The following TRMT44 variants were observed in gnomAD, a reference collection of about 807,000 sequenced individuals.
TRMT44 encodes the protein probable tRNA (uracil-O(2)-)-methyltransferase.
A neutral mutation model predicts 77.3 loss-of-function variants in TRMT44; 78 were observed. The ratio of observed to expected loss-of-function variants is 1.01; its 90% CI spans 0.84 to 1.22. TRMT44 has a LOEUF of 1.22. TRMT44 is among the 50% of genes most tolerant of loss of function. TRMT44 has a pLI of 0.00. For synonymous variants in TRMT44, 391 were observed against 383.3 expected, an observed-to-expected ratio of 1.02 and a Z score of -0.23; for missense variants, 1,090 against 964.4, an observed-to-expected ratio of 1.13 and a Z score of -1.73.
the TRMT44 span, chr4:8,506,844 T>C: frequency 2.0e-5 from 3 of 152,542 alleles, no homozygotes; most frequent in East Asian, 5.8e-4. Flanking sequence ...GAAATGCTGC[T>C]TGGTGAGCTG....
chr4:8,464,181 G>GC, intron 7 of TRMT44, 90 bp downstream of exon 7: 2 of 979,956 alleles, frequency 2.0e-6, no homozygotes, highest in Non-Finnish European at 3.1e-6. Context: ...CTAGCTGCGT[G>GC]CAGTTGTCAA....
At position 8,468,151 on chromosome 4, in the gene TRMT44, G is replaced by C; in HGVS notation, c.1732G>C (p.Gly578Arg). ...GGCCTGGGCCGCTGAGCATGGAGCA[G>C]GGCCCCAGGCTGAAGGACCCTGGCT... The part of the protein sequence containing the change: ...TRAWAAEHGA[G>R]PQAEGPWLPG... Residue 578 changes from glycine to arginine, a missense_variant, in exon 9 of 11, where the codon GGG becomes CGG. Physicochemically the swap from Gly to Arg is moderately radical, Grantham distance 125. Transcript: ENST00000389737. 1 of 1,614,076 alleles carries C rather than the reference G, an allele frequency of 6.2e-7. No homozygotes were observed.
At position 8,473,961 on chromosome 4, in the gene TRMT44, C is replaced by T. The variant is rs116465783; in HGVS notation, c.2045-1811C>T. On this transcript the variant is annotated intron_variant, in intron 10 of 10. Transcript: ENST00000389737. Reference sequence around the variant, plus strand: ...GAGCCTCATCTCTATCATCAGCGCCCGCTCCTCAGTCCTTAGACACCCTGC... The same window carrying T: ...GAGCCTCATCTCTATCATCAGCGCCTGCTCCTCAGTCCTTAGACACCCTGC... Among the ~76,000 whole-genome samples the T allele has an allele frequency of 9.2e-3, 1,400 of 152,292 alleles. 16 individuals carry two copies. Among genetic ancestry groups the T allele is most frequent in the African/African-American group, 0.032 (1,325 of 41,558 alleles).
At chr4:8,486,911 G>T (rs1028415292) in intron 2 of TRMT44, among the ~76,000 whole-genome samples, 1 of 152,150 alleles carries the variant, frequency 6.6e-6, no homozygotes, top group African/African-American at 2.4e-5. Flanking sequence ...AGCCCAGGGA[G>T]GAGGGGAGAG....
intron 3 of TRMT44, among the ~76,000 whole-genome samples, chr4:8,450,459 A>G (rs1725367508): frequency 6.6e-6 from 1 of 152,338 alleles, no homozygotes; most frequent in Non-Finnish European, 1.5e-5. Flanking sequence ...AAAAATGGCT[A>G]AATTACCATA....
intron 10 of TRMT44, among the ~76,000 whole-genome samples, chr4:8,472,409 G>A (rs1197399539): frequency 6.6e-6 from 1 of 152,252 alleles, no homozygotes. Flanking sequence ...CGAAGTCACA[G>A]TGGGAAGGAG....
At chr4:8,494,467 C>T (rs771401198), downstream of TRMT44, among the ~76,000 whole-genome samples, 12 of 152,316 alleles carry the variant, frequency 7.9e-5, no homozygotes, top group South Asian at 2.1e-4. Context: ...CTGAGCCAGA[C>T]TAAGTTGTGT....
chr4:8,464,880 A>G (rs542036511), intron 7 of TRMT44, among the ~76,000 whole-genome samples: 2 of 152,354 alleles, frequency 1.3e-5, no homozygotes, highest in African/African-American at 4.8e-5. Context: ...AATATTACAC[A>G]GCCACAAAGA....
chr4:8,457,866 A>G (rs1725903081), intron 6 of TRMT44, among the ~76,000 whole-genome samples: 1 of 152,224 alleles, frequency 6.6e-6, no homozygotes, highest in Admixed American at 6.5e-5. Flanking sequence ...GAGCCAGTCA[A>G]GGAAATCATG....
In TRMT44 at chr4:8,471,154, TG is replaced by T; in HGVS notation, c.2003del (p.Gly668AlafsTer16). On this transcript the variant is annotated frameshift_variant, in exon 10 of 11. Transcript: ENST00000389737. LOFTEE classifies it low-confidence loss of function (END_TRUNC). ...CCCTGCGGAGGCTGAAGCGGGAGTG[TG>T]GGGGCCTGCAGACGCTGCTCCGGAA... ...ETLRRLKREC[G>X]GLQTLLRNSH... 6.2e-7 allele frequency: 1 copy of T among 1,609,868 alleles called. No homozygotes were observed. Among genetic ancestry groups the T allele is most frequent in the Non-Finnish European group, 8.5e-7 (1 of 1,177,976 alleles).
intron 2 of TRMT44, among the ~76,000 whole-genome samples, chr4:8,448,819 T>C (rs2688235): frequency 0.71 from 108,319 of 152,210 alleles, 39,431 homozygotes; most frequent in African/African-American, 0.86. Flanking sequence ...TCCCCTCCAG[T>C]GGGGCCATGC....
chr4:8,471,721 GC>G (rs1468405574), intron 10 of TRMT44, among the ~76,000 whole-genome samples: 1 of 152,214 alleles, frequency 6.6e-6, no homozygotes, highest in Non-Finnish European at 1.5e-5. Context: ...GCTCCCCAAC[GC>G]CCTGTGACTC....
downstream of TRMT44, among the ~76,000 whole-genome samples, chr4:8,496,870 G>A (rs1374768914): frequency 6.6e-6 from 1 of 151,558 alleles, no homozygotes; most frequent in Non-Finnish European, 1.5e-5. Flanking sequence ...AAGGAGTTTA[G>A]TGATTTTTAA....
chr4:8,490,680 A>G (rs1727973378), intron 2 of TRMT44, among the ~76,000 whole-genome samples: 1 of 152,188 alleles, frequency 6.6e-6, no homozygotes, highest in African/African-American at 2.4e-5. Context: ...CGTGGACCCA[A>G]AGAGTGAGCA....
intron 10 of TRMT44, among the ~76,000 whole-genome samples, chr4:8,475,464 A>C (rs1727312015): frequency 6.6e-6 from 1 of 152,160 alleles, no homozygotes; most frequent in Non-Finnish European, 1.5e-5. Context: ...GTCCTGGTGC[A>C]GTCTGTCCTG....
At chr4:8,487,499 T>G (rs1727847856) in intron 2 of TRMT44, among the ~76,000 whole-genome samples, 11 of 133,784 alleles carry the variant, frequency 8.2e-5, no homozygotes, top group Admixed American at 3.0e-4. Flanking sequence ...AGATAAGAGG[T>G]CGGGGTGCAG....
At chr4:8,506,694 A>C in the TRMT44 span, 1 of 152,296 alleles carries the variant, frequency 6.6e-6, no homozygotes, top group African/African-American at 2.4e-5. Context: ...CTCCTGGGCC[A>C]GCCCCTGGGC....
At chr4:8,507,280 G>C in the TRMT44 span, 1 of 152,360 alleles carries the variant, frequency 6.6e-6, no homozygotes, top group Admixed American at 6.5e-5. Context: ...CGAGGCCAGG[G>C]CGTGTCCACA....
rs750224789 is a variant in TRMT44, at chr4:8,461,154, CTTACTCTTTGCTTGTACAT to C, written c.1204-2817_1204-2799del. Among the ~76,000 whole-genome samples the C allele has an allele frequency of 5.1e-4, 77 of 152,274 alleles. No homozygotes were observed. Among genetic ancestry groups the C allele is most frequent in the Non-Finnish European group, 9.0e-4 (61 of 68,012 alleles). ...TGAGCCGCTGCGCCGGGCCAGGGTG[CTTACTCTTTGCTTGTACAT>C]TTACTCTTTGCTTTGTTTTACAGTG... On this transcript the variant is annotated intron_variant, in intron 6 of 10. Transcript: ENST00000389737. The surrounding 1 kb of genome is among the most constrained non-coding windows in gnomAD (Gnocchi z 4.6).
Sources: gnomAD v4.1 joint callset for allele counts (sites outside exome capture counted in the v4.1 genomes callset) on GRCh38, gnomAD v4.1.1 for gene constraint, Gnocchi (gnomAD v3.1) non-coding constraint, MANE v1.5 for transcripts, NCBI Gene and HGNC (gene_info 2026-07-23, HGNC 2026-07-21) for gene names.